Variants in EHD2 observed in about 807,000 individuals in gnomAD.
EHD2 encodes EH domain-containing protein 2.
In EHD2, 27 loss-of-function variants were observed where a neutral mutation model predicts 41.0. The ratio of observed to expected loss-of-function variants is 0.66; its 90% CI spans 0.49 to 0.91. The LOEUF is 0.91. Ranked by LOEUF, EHD2 falls within the 40% of genes least tolerant of loss-of-function variation. EHD2 has a pLI of 0.00. For missense variants in EHD2, 673 were observed against 773.9 expected, an observed-to-expected ratio of 0.87 and a Z score of 1.55; for synonymous variants, 342 against 341.0, an observed-to-expected ratio of 1.00 and a Z score of -0.03.
rs1973626421 is a variant in EHD2, at chr19:47,716,547, C to T, written c.-55-11C>T. ...GGCCGCCTATGCTCATGCCCTCTCC[C>T]CCTCCCACAGGCAGCTCTCCATCTG... On this transcript the variant is annotated splice_polypyrimidine_tract_variant and intron_variant, in intron 1 of 5. Transcript: ENST00000263277. 1 of 1,440,144 alleles carries T rather than the reference C, an allele frequency of 6.9e-7. No homozygotes were observed. Among genetic ancestry groups the T allele is most frequent in the Non-Finnish European group, 9.1e-7 (1 of 1,098,400 alleles). The allele number at this position is 1,440,144 out of a possible 1,614,324, so 89.2% of individuals were successfully genotyped here. A position where few individuals can be genotyped will look rare whatever the true frequency, so the allele number is the denominator to read the frequency against.
At position 47,742,224 on chromosome 19, in the gene EHD2, T is replaced by C; in HGVS notation, c.*792T>C. 6.1e-6 allele frequency: 2 copies of C among 330,152 alleles called. No individual in the cohort carries two copies. The highest frequency in any genetic ancestry group is 1.2e-5 in the Non-Finnish European group (2 of 171,208). The allele number at this position is 330,152 out of a possible 1,614,324, so 20.5% of individuals were successfully genotyped here. On this transcript the variant is annotated 3_prime_UTR_variant, in exon 6 of 6. Transcript: ENST00000263277. ...ATTTCTTTCTTTCCTTCCTTCCTTC[T>C]TTTTTGTTTTTGCCCCCAGTTCTGT...
intron 4 of EHD2, among the ~76,000 whole-genome samples, chr19:47,730,834 A>G (rs1973799936): frequency 6.6e-6 from 1 of 152,146 alleles, no homozygotes; most frequent in Admixed American, 6.6e-5. Flanking sequence ...GCAGTGGCCC[A>G]GTGACATTCA....
intron 2 of EHD2, among the ~76,000 whole-genome samples, chr19:47,717,538 C>T (rs548382826): frequency 4.7e-4 from 71 of 152,270 alleles, no homozygotes; most frequent in African/African-American, 1.0e-3. Flanking sequence ...GTTCAAATCC[C>T]GGCCAGCTGG....
intron 4 of EHD2, among the ~76,000 whole-genome samples, chr19:47,734,371 G>C (rs1966900431): frequency 6.6e-6 from 1 of 151,948 alleles, no homozygotes; most frequent in African/African-American, 2.4e-5. Context: ...AGGGGAGAGA[G>C]GGAGAGACAT....
At chr19:47,722,922 C>G (rs1973712531) in intron 3 of EHD2, among the ~76,000 whole-genome samples, 1 of 152,188 alleles carries the variant, frequency 6.6e-6, no homozygotes, top group South Asian at 2.1e-4. Context: ...GGGGTCAGAA[C>G]AGTGCCCACC....
intron 3 of EHD2, among the ~76,000 whole-genome samples, chr19:47,723,184 C>G (rs1165195903): frequency 6.6e-6 from 1 of 152,130 alleles, no homozygotes; most frequent in Non-Finnish European, 1.5e-5. Context: ...GGTCTGTGTC[C>G]CCAGTGGGCT....
In EHD2 at chr19:47,725,877, G is replaced by C; in HGVS notation, c.568G>C (p.Asp190His). 1 of 1,613,312 alleles carries C rather than the reference G, an allele frequency of 6.2e-7. No individual in the cohort carries two copies. Among genetic ancestry groups the C allele is most frequent in the Non-Finnish European group, 8.5e-7 (1 of 1,179,352 alleles). The stretch of plus-strand genomic sequence containing the variant: ...CGTGGACCTCATCATCCTGCTCTTT[G>C]ATGCGCACAAGCTGGAGATCTCGGA... The part of the protein sequence containing the change: ...ERVDLIILLF[D>H]AHKLEISDEF... Residue 190 changes from aspartate (D) to histidine (H), a missense_variant, in exon 4 of 6, where the codon GAT becomes CAT. Asp to His is a moderately conservative substitution (Grantham distance 81, BLOSUM62 -1). Transcript: ENST00000263277.
At chr19:47,717,074 T>C in intron 2 of EHD2, 58 bp downstream of exon 2, 1 of 1,591,946 alleles carries the variant, frequency 6.3e-7, no homozygotes, top group Admixed American at 1.7e-5. Flanking sequence ...AAGACAGAGT[T>C]TCCGCTCTTT....
intron 1 of EHD2, among the ~76,000 whole-genome samples, chr19:47,715,561 C>T (rs144170566): frequency 6.8e-4 from 104 of 152,050 alleles, no homozygotes; most frequent in African/African-American, 2.4e-3. Flanking sequence ...GTCCACAGTG[C>T]CTGAAGCATG....
intron 3 of EHD2, among the ~76,000 whole-genome samples, chr19:47,720,264 A>G (rs1024193141): frequency 2.0e-5 from 3 of 151,968 alleles, no homozygotes; most frequent in African/African-American, 7.3e-5. Flanking sequence ...CCCGAGTTCA[A>G]GTGGCTCTGC....
chr19:47,730,264 C>A (rs1309733312), intron 4 of EHD2, among the ~76,000 whole-genome samples: 1 of 151,806 alleles, frequency 6.6e-6, no homozygotes, highest in South Asian at 2.1e-4. Flanking sequence ...TTGGTCCCTA[C>A]GGAGCCGCCC....
chr19:47,723,613 G>T (rs566004173), intron 3 of EHD2, among the ~76,000 whole-genome samples: 1 of 130,988 alleles, frequency 7.6e-6, no homozygotes, highest in Non-Finnish European at 1.5e-5. Context: ...CTGAGATCGC[G>T]CCACTGCACT....
intron 4 of EHD2, chr19:47,731,314 A>ATATACATATATATATATGTGTATAT (rs1160770476): frequency 1.8e-5 from 2 of 113,992 alleles, no homozygotes; most frequent in Non-Finnish European, 3.9e-5. Flanking sequence ...ATATATATAT[A>ATATACATATATATATATGTGTATAT]ATTTTTTTTT....
rs985298527 is a variant in EHD2 at position 47,719,583 on chromosome 19, G to C, written c.502+977G>C. ...GCCCAGAACTGGGGCAAAGGAGGCTGCTATGTGGGGCAGAGAGGATGGGAG... is the reference window on the plus strand; with the variant it reads ...GCCCAGAACTGGGGCAAAGGAGGCTCCTATGTGGGGCAGAGAGGATGGGAG... On this transcript the variant is annotated intron_variant, in intron 3 of 5. Coordinates refer to ENST00000263277, the MANE Select transcript of EHD2 (RefSeq NM_014601.4). This position sits in a 1 kb window ranked among gnomAD's most constrained non-coding sequence, Gnocchi z 4.1. Among the ~76,000 whole-genome samples, 17 of 152,274 alleles carry C rather than the reference G, an allele frequency of 1.1e-4. No individual in the cohort carries two copies. Among genetic ancestry groups the C allele is most frequent in the African/African-American group, 4.1e-4 (17 of 41,562 alleles).
intron 2 of EHD2, among the ~76,000 whole-genome samples, chr19:47,718,067 GT>G (rs1395026746): frequency 6.6e-6 from 1 of 151,050 alleles, no homozygotes; most frequent in African/African-American, 2.4e-5. Context: ...GAGGCCAGAA[GT>G]TTGAGACCAG....
chr19:47,723,682 A>T (rs1194862491), intron 3 of EHD2, among the ~76,000 whole-genome samples: 2 of 129,146 alleles, frequency 1.5e-5, no homozygotes, highest in Non-Finnish European at 3.3e-5. Context: ...AAGCTCAACC[A>T]TTTTTTTTTT....
intron 1 of EHD2, among the ~76,000 whole-genome samples, chr19:47,715,542 C>T (rs1260272353): frequency 6.6e-6 from 1 of 152,032 alleles, no homozygotes; most frequent in East Asian, 1.9e-4. Flanking sequence ...ATCTCTGGCT[C>T]ATTTCTGGGT....
In EHD2 at chr19:47,737,038, T is replaced by C. The variant is rs143805074; in HGVS notation, c.1080+505T>C. On this transcript the variant is annotated intron_variant, in intron 5 of 5. Coordinates refer to ENST00000263277, the MANE Select transcript of EHD2 (RefSeq NM_014601.4). ...CGAGGTCAGCAGATCAAGACCATCC[T>C]GGCTAACACGGTGAAACCCCGTCTC... is the stretch of plus-strand genomic sequence containing the variant. 8.2e-3 allele frequency among the ~76,000 whole-genome samples: 1,238 copies of C among 151,890 alleles called. 16 individuals are homozygous for C. The highest frequency in any genetic ancestry group is 0.027 in the African/African-American group (1,128 of 41,464).
At chr19:47,724,219 T>C (rs1028866914) in intron 3 of EHD2, among the ~76,000 whole-genome samples, 8 of 151,646 alleles carry the variant, frequency 5.3e-5, no homozygotes, top group Admixed American at 2.6e-4. Flanking sequence ...TGTGGGACCA[T>C]AGGCATGAGC....
Sources: allele counts gnomAD v4.1 joint callset (sites outside exome capture counted in the v4.1 genomes callset), GRCh38; gene constraint gnomAD v4.1.1; non-coding constraint Gnocchi (gnomAD v3.1); transcripts MANE v1.5; gene names NCBI Gene and HGNC (gene_info 2026-07-23, HGNC 2026-07-21).